Variants in CHM observed in about 807,000 individuals in gnomAD.
The protein encoded by CHM is CHM Rab escort protein, also known as rab proteins geranylgeranyltransferase component A 1.
Under a neutral mutation model 49.0 loss-of-function variants are expected in CHM, and 10 were observed. The observed-to-expected ratio is 0.20, with a 90% confidence interval of 0.13 to 0.35. CHM has a LOEUF of 0.35. Ranked by LOEUF, CHM falls within the 10% of genes least tolerant of loss-of-function variation. CHM has a pLI of 1.00. For synonymous variants in CHM, 184 were observed against 167.5 expected (o/e 1.10, Z -0.76); for missense variants, 455 against 478.4 (o/e 0.95, Z 0.46).
intron 2 of CHM, chrX:86,019,708 A>T (rs1286669400): frequency 8.9e-6 from 1 of 111,913 alleles, no homozygotes; most frequent in Non-Finnish European, 1.9e-5. Flanking sequence ...TCACTTGACT[A>T]GCCTAAAAAA....
intron 2 of CHM, among the ~76,000 whole-genome samples, chrX:86,004,734 C>G (rs965313032): frequency 7.2e-5 from 8 of 111,520 alleles, no homozygotes; most frequent in Admixed American, 9.6e-5. Context: ...ATATATGCAC[C>G]AAACACAGGA....
In CHM at chrX:85,966,611, G is replaced by A. The variant is rs1011321256; in HGVS notation, c.315-2559C>T. Among the ~76,000 whole-genome samples the A allele has an allele frequency of 1.1e-4, 12 of 111,906 alleles. No individual in the cohort carries two copies. In the Admixed American group the frequency reaches 1.1e-3, roughly 11 times the overall value. ...TTGAAAACCAACAAAACTAAAGTGT[G>A]TTACATGAGGGATCTAAGGGGACAA... On this transcript the variant is annotated intron_variant, in intron 4 of 14. Coordinates refer to ENST00000357749, the MANE Select transcript of CHM (RefSeq NM_000390.4).
In CHM at chrX:85,864,020, A is replaced by G. The variant is rs535172661; in HGVS notation, c.*610T>C. The G allele has an allele frequency of 2.7e-5, 3 of 112,465 alleles. No homozygotes were observed. The highest frequency in any genetic ancestry group is 2.8e-4 in the East Asian group (1 of 3,563). The allele number at this position is 112,465 out of a possible 1,213,427, so 9.3% of individuals were successfully genotyped here. On this transcript the variant is annotated 3_prime_UTR_variant, in exon 15 of 15. Coordinates refer to ENST00000357749, the MANE Select transcript of CHM (RefSeq NM_000390.4). ...CAATATGTAAATAATTTACAAACAA[A>G]TATCACTACTGATACTAAAAAACAC...
intron 4 of CHM, among the ~76,000 whole-genome samples, chrX:85,968,229 T>C (rs776152822): frequency 2.7e-5 from 3 of 112,313 alleles, no homozygotes; most frequent in Non-Finnish European, 3.8e-5. Context: ...AATAGCAATA[T>C]AAAAAGTGAA....
At chrX:85,995,070 C>A (rs1303372858) in intron 2 of CHM, among the ~76,000 whole-genome samples, 2 of 109,731 alleles carry the variant, frequency 1.8e-5, no homozygotes, top group Admixed American at 9.8e-5. Flanking sequence ...GAAAAAAATT[C>A]TCTCCTCATG....
intron 5 of CHM, among the ~76,000 whole-genome samples, chrX:85,959,960 AT>A (rs1363918660): frequency 8.9e-6 from 1 of 111,802 alleles, no homozygotes; most frequent in Non-Finnish European, 1.9e-5. Flanking sequence ...TTCAAGTAAA[AT>A]TTTATAAACT....
intron 8 of CHM, among the ~76,000 whole-genome samples, chrX:85,954,613 G>A (rs1231934336): frequency 9.0e-6 from 1 of 111,587 alleles, no homozygotes; most frequent in Non-Finnish European, 1.9e-5. Context: ...CGAGATCCTG[G>A]CTGGGCATGG....
chrX:85,935,374 A>T (rs1928720960), intron 8 of CHM, among the ~76,000 whole-genome samples: 1 of 111,586 alleles, frequency 9.0e-6, no homozygotes, highest in Non-Finnish European at 1.9e-5. Flanking sequence ...TTTGGAGGAG[A>T]TAAATATCTA....
chrX:85,920,495 T>C (rs1414327599), intron 8 of CHM, among the ~76,000 whole-genome samples: 1 of 111,679 alleles, frequency 9.0e-6, no homozygotes, highest in Non-Finnish European at 1.9e-5. Flanking sequence ...ACATGAGAAG[T>C]AGGGAATTAC....
chrX:86,011,579 T>C (rs969458902), intron 2 of CHM, among the ~76,000 whole-genome samples: 5 of 111,629 alleles, frequency 4.5e-5, no homozygotes, highest in Admixed American at 9.5e-5. Context: ...AACACAAACA[T>C]TGCTTTGGCC....
intron 8 of CHM, among the ~76,000 whole-genome samples, chrX:85,923,776 T>C (rs775400223): frequency 1.8e-5 from 2 of 110,416 alleles, no homozygotes; most frequent in South Asian, 7.8e-4. Context: ...GATATGGGGG[T>C]TGGAACATTA....
At chrX:85,953,743 C>T (rs1929869311) in intron 8 of CHM, among the ~76,000 whole-genome samples, 1 of 111,759 alleles carries the variant, frequency 8.9e-6, no homozygotes, top group African/African-American at 3.3e-5. Context: ...AACTAGACCC[C>T]TATCTTTTGC....
chrX:86,021,120 ATATACG>A (rs1184793007), intron 2 of CHM, among the ~76,000 whole-genome samples: 12 of 43,896 alleles, frequency 2.7e-4, no homozygotes, highest in Non-Finnish European at 4.1e-4. Context: ...ATATATGTGT[ATATACG>A]TATATATATA....
chrX:85,882,103 T>A (rs1924798021), intron 12 of CHM, among the ~76,000 whole-genome samples: 1 of 111,772 alleles, frequency 8.9e-6, no homozygotes, highest in Non-Finnish European at 1.9e-5. Flanking sequence ...TCTTTGCAAT[T>A]ATTTGACTCT....
intron 8 of CHM, among the ~76,000 whole-genome samples, chrX:85,921,532 TA>T (rs1569414019): frequency 8.9e-6 from 1 of 112,235 alleles, no homozygotes; most frequent in Non-Finnish European, 1.9e-5. Flanking sequence ...ACTACAAAAA[TA>T]CATTTGAACT....
intron 5 of CHM, 42 bp from the exon 6 acceptor site, chrX:85,959,019 T>C (rs763914225): frequency 5.0e-6 from 6 of 1,196,789 alleles, no homozygotes; most frequent in East Asian, 3.0e-5. Context: ...GTTGAAATAG[T>C]AGAAAAATTG....
chrX:85,911,190 T>TATATATATGA lies in CHM; in HGVS notation c.1244+70_1244+71insTCATATATAT, dbSNP rs1556277334. 52 of 62,784 alleles carry TATATATATGA rather than the reference T, an allele frequency of 8.3e-4. 1 individual carries two copies. Among genetic ancestry groups the TATATATATGA allele is most frequent in the African/African-American group, 5.6e-3 (32 of 5,727 alleles). 5.2% of individuals were successfully genotyped at this position (62,784 alleles called of 1,213,427 possible). Reference sequence around the variant, plus strand: ...ATATATATATGAATATATATATGAATATATATATATGAATATATATATATG... The same window carrying TATATATATGA: ...ATATATATATGAATATATATATGAATATATATATGAATATATATATGAATATATATATATG... On this transcript the variant is annotated intron_variant, in intron 9 of 14. Transcript: ENST00000357749.
chrX:86,010,653 C>G (rs1257776190), intron 2 of CHM, among the ~76,000 whole-genome samples: 1 of 111,478 alleles, frequency 9.0e-6, no homozygotes, highest in Non-Finnish European at 1.9e-5. Flanking sequence ...ACCACCCCAC[C>G]AAGTGCCAGA....
chrX:85,892,022 T>G (rs1007833491), intron 12 of CHM, among the ~76,000 whole-genome samples: 3 of 111,748 alleles, frequency 2.7e-5, no homozygotes, highest in African/African-American at 9.8e-5. Flanking sequence ...AATTTGGACT[T>G]GCATGGGGCC....
Sources: allele counts gnomAD v4.1 joint callset (sites outside exome capture counted in the v4.1 genomes callset), GRCh38; gene constraint gnomAD v4.1.1; transcripts MANE v1.5; gene names NCBI Gene and HGNC (gene_info 2026-07-23, HGNC 2026-07-21).